Variants in JAKMIP3 observed in about 807,000 individuals in gnomAD.
JAKMIP3 encodes the protein janus kinase and microtubule-interacting protein 3.
A neutral mutation model predicts 118.5 loss-of-function variants in JAKMIP3; 58 were observed. That is an observed-to-expected ratio of 0.49 (90% confidence interval 0.40 to 0.61). The LOEUF (loss-of-function observed/expected upper bound fraction) is 0.61, where lower values mean the gene tolerates loss of function less well. Among genes scored for constraint, JAKMIP3 ranks in the 20% least tolerant of loss-of-function variants. The pLI, the probability that JAKMIP3 is intolerant of heterozygous loss-of-function variation, is 0.00. For synonymous variants in JAKMIP3, 486 were observed against 451.2 expected (o/e 1.08, Z -0.98); for missense variants, 950 against 1,109.0 (o/e 0.86, Z 2.04).
chr10:132,180,731 G>A (rs1407272688), intron 23 of JAKMIP3, among the ~76,000 whole-genome samples: 2 of 15,652 alleles, frequency 1.3e-4, no homozygotes, highest in Non-Finnish European at 2.2e-4. Flanking sequence ...GTGTGTGTGC[G>A]TGTGTGCGTG....
intron 2 of JAKMIP3, among the ~76,000 whole-genome samples, chr10:132,107,240 G>A (rs1222256658): frequency 2.6e-5 from 4 of 152,136 alleles, no homozygotes; most frequent in Admixed American, 2.0e-4. Context: ...ACATCCCCAG[G>A]TTTAGTCCCC....
chr10:132,119,507 C>T (rs2048221630), intron 3 of JAKMIP3, among the ~76,000 whole-genome samples: 1 of 152,188 alleles, frequency 6.6e-6, no homozygotes, highest in Non-Finnish European at 1.5e-5. Context: ...TCTCACAGCT[C>T]CTCTCTGCCA....
At chr10:132,130,890 T>G (rs2050441241) in intron 3 of JAKMIP3, among the ~76,000 whole-genome samples, 1 of 151,668 alleles carries the variant, frequency 6.6e-6, no homozygotes, top group African/African-American at 2.4e-5. Context: ...ATGCTCATCT[T>G]GGGGGGCTCA....
At chr10:132,161,092 T>G (rs2058186880) in intron 19 of JAKMIP3, among the ~76,000 whole-genome samples, 1 of 89,892 alleles carries the variant, frequency 1.1e-5, no homozygotes, top group Non-Finnish European at 2.3e-5. Flanking sequence ...CCTCTTCCTG[T>G]GTGATGCTGG....
At chr10:132,077,986 A>G (rs975546550) in intron 1 of JAKMIP3, among the ~76,000 whole-genome samples, 2 of 152,090 alleles carry the variant, frequency 1.3e-5, no homozygotes, top group African/African-American at 4.8e-5. Flanking sequence ...TAATTTTTGT[A>G]TTTTTAGTAG....
chr10:132,088,983 GT>G (rs1399615354), intron 1 of JAKMIP3, among the ~76,000 whole-genome samples: 3 of 152,154 alleles, frequency 2.0e-5, no homozygotes, highest in East Asian at 1.9e-4. Flanking sequence ...CCCACTGCTT[GT>G]TTTTGTCAGG....
chr10:132,163,491 C>A, intron 20 of JAKMIP3, 79 bp downstream of exon 20: 1 of 1,303,472 alleles, frequency 7.7e-7, no homozygotes, highest in Non-Finnish European at 1.1e-6. Context: ...CCTCCCACGG[C>A]CACACCTCCA....
At chr10:132,108,308 C>A (rs2046234068) in intron 2 of JAKMIP3, among the ~76,000 whole-genome samples, 1 of 152,172 alleles carries the variant, frequency 6.6e-6, no homozygotes. Flanking sequence ...GACTTGCCCT[C>A]CCACACCAGC....
intron 4 of JAKMIP3, among the ~76,000 whole-genome samples, chr10:132,133,949 C>T (rs562200262): frequency 6.6e-6 from 1 of 152,360 alleles, no homozygotes; most frequent in East Asian, 1.9e-4. Flanking sequence ...TCCCTGCCCA[C>T]CGCGTGCCCA....
chr10:132,172,530 T>G (rs998767129), intron 23 of JAKMIP3, among the ~76,000 whole-genome samples: 2 of 151,946 alleles, frequency 1.3e-5, no homozygotes, highest in South Asian at 2.1e-4. Context: ...TCTATTTCAT[T>G]GGTTAGAATT....
rs538127033 is a variant in JAKMIP3, at chr10:132,112,821, G to A, written c.136-4256G>A. 4.6e-5 allele frequency among the ~76,000 whole-genome samples: 7 copies of A among 152,218 alleles called. No individual in the cohort carries two copies. The highest frequency in any genetic ancestry group is 3.9e-4 in the East Asian group (2 of 5,164). ...GGTGGACGCATCTGACTCTCCAGCCGCCGCTTCTTGGTCAGCCTGCCTCTG... is the reference window on the plus strand; with the variant it reads ...GGTGGACGCATCTGACTCTCCAGCCACCGCTTCTTGGTCAGCCTGCCTCTG... On this transcript the variant is annotated intron_variant, in intron 2 of 23. Transcript: ENST00000684848. The surrounding 1 kb of genome is among the most constrained non-coding windows in gnomAD (Gnocchi z 4.3).
intron 11 of JAKMIP3, 100 bp downstream of exon 11, chr10:132,142,148 C>T (rs1236644055): frequency 7.7e-6 from 10 of 1,301,230 alleles, no homozygotes; most frequent in Non-Finnish European, 1.0e-5. Context: ...CCTCCTGGGC[C>T]CGGGCCCCTC....
At chr10:132,159,871 G>A (rs1172257099) in intron 19 of JAKMIP3, among the ~76,000 whole-genome samples, 1 of 62,590 alleles carries the variant, frequency 1.6e-5, no homozygotes, top group African/African-American at 7.0e-5. Context: ...TGTGATGCTG[G>A]GGGGGTCTCT....
chr10:132,076,742 C>T (rs1454598958), intron 1 of JAKMIP3, among the ~76,000 whole-genome samples: 1 of 149,960 alleles, frequency 6.7e-6, no homozygotes, highest in Non-Finnish European at 1.5e-5. Context: ...GTCCCCTGGT[C>T]TGACTGACTG....
intron 1 of JAKMIP3, among the ~76,000 whole-genome samples, chr10:132,046,686 T>C (rs1245523596): frequency 6.6e-6 from 1 of 152,196 alleles, no homozygotes; most frequent in Non-Finnish European, 1.5e-5. Flanking sequence ...ATTTTAGATT[T>C]ACCACAAAAG....
intron 3 of JAKMIP3, among the ~76,000 whole-genome samples, chr10:132,130,427 G>A (rs939957855): frequency 3.2e-4 from 48 of 152,358 alleles, no homozygotes; most frequent in African/African-American, 1.2e-3. Context: ...GCGCATTCGT[G>A]TGCTCACGTC....
chr10:132,163,293 G>A lies in JAKMIP3; in HGVS notation c.2305G>A (p.Glu769Lys), dbSNP rs776132744. 4 of 1,602,840 alleles carry A rather than the reference G, an allele frequency of 2.5e-6. No individual in the cohort carries two copies. Among genetic ancestry groups the A allele is most frequent in the Non-Finnish European group, 3.4e-6 (4 of 1,175,940 alleles). Residue 769 changes from glutamate to lysine, a missense_variant, in exon 20 of 24, where the codon GAG becomes AAG. By Grantham distance (56) the Glu-to-Lys change is moderately conservative. Transcript: ENST00000684848. ...AKVAELLSEE[E>K]REKLKVAVEQ... ...GGTGGCTGAGCTGCTGTCAGAGGAG[G>A]AGCGCGAGAAGCTCAAGGTGGCCGT...
At chr10:132,076,418 C>A (rs1342429053) in intron 1 of JAKMIP3, among the ~76,000 whole-genome samples, 3 of 152,282 alleles carry the variant, frequency 2.0e-5, no homozygotes, top group Non-Finnish European at 4.4e-5. Context: ...AGTTGACTGA[C>A]GTTTGGGTCA....
intron 1 of JAKMIP3, among the ~76,000 whole-genome samples, chr10:132,057,759 G>T (rs549023348): frequency 7.6e-4 from 116 of 152,332 alleles, no homozygotes; most frequent in Non-Finnish European, 1.4e-3. Flanking sequence ...GCTGGGTCCT[G>T]TGTCAACCCC....
Sources: allele counts gnomAD v4.1 joint callset (sites outside exome capture counted in the v4.1 genomes callset), GRCh38; gene constraint gnomAD v4.1.1; non-coding constraint Gnocchi (gnomAD v3.1); transcripts MANE v1.5; gene names NCBI Gene and HGNC (gene_info 2026-07-23, HGNC 2026-07-21).